Variants in PDE4D observed in about 807,000 individuals in gnomAD.
PDE4D encodes phosphodiesterase 4D, also known as 3',5'-cyclic-AMP phosphodiesterase 4D.
PDE4D carries 24 observed loss-of-function variants against 87.4 expected under a neutral mutation model. That is an observed-to-expected ratio of 0.27 (90% CI 0.20 to 0.39). The LOEUF is 0.39. Ranked by LOEUF, PDE4D falls within the 10% of genes least tolerant of loss-of-function variation. PDE4D has a pLI of 1.00. For missense variants in PDE4D, 714 were observed against 1,041.0 expected, an observed-to-expected ratio of 0.69 and a Z score of 4.32; for synonymous variants, 384 against 383.2, an observed-to-expected ratio of 1.00 and a Z score of -0.02.
rs571920657 is a variant in PDE4D, at chr5:59,816,032, C to T, written c.455+77136G>A. On this transcript the variant is annotated intron_variant, in intron 1 of 14. Transcript: ENST00000340635. ...TAAAGCACGAGTGAATTCTTTCTTA[C>T]TGAACCTATTCAAATAAAGACTGAA... 3.0e-4 allele frequency among the ~76,000 whole-genome samples: 46 copies of T among 152,306 alleles called. 1 individual carries two copies. The highest frequency in any genetic ancestry group is 9.4e-4 in the African/African-American group (39 of 41,562).
chr5:60,352,341 T>C (rs137940753), intron 1 of PDE4D, among the ~76,000 whole-genome samples: 1 of 152,284 alleles, frequency 6.6e-6, no homozygotes, highest in East Asian at 1.9e-4. Flanking sequence ...GCACAGTCCT[T>C]CTAGAAGATG....
intron 2 of PDE4D, among the ~76,000 whole-genome samples, chr5:60,180,705 G>A (rs868067269): frequency 6.6e-6 from 1 of 152,084 alleles, no homozygotes; most frequent in Non-Finnish European, 1.5e-5. Flanking sequence ...AAGCTGGAAG[G>A]CAGGTATAAG....
intron 5 of PDE4D, 181 bp from the exon 6 acceptor site, chr5:59,039,152 G>T (rs921415225): frequency 7.4e-7 from 1 of 1,357,612 alleles, no homozygotes; most frequent in Non-Finnish European, 9.5e-7. Flanking sequence ...CTGTGCTCGC[G>T]GGGCGGCCGG....
chr5:59,595,599 T>C (rs1441559410), intron 1 of PDE4D, among the ~76,000 whole-genome samples: 1 of 152,150 alleles, frequency 6.6e-6, no homozygotes, highest in Admixed American at 6.6e-5. Flanking sequence ...GAAATTACCA[T>C]GAAAATACTC....
chr5:59,367,774 TAAG>T (rs1370719348), intron 1 of PDE4D, among the ~76,000 whole-genome samples: 1 of 152,104 alleles, frequency 6.6e-6, no homozygotes, highest in East Asian at 1.9e-4. Flanking sequence ...TTACAGAGCC[TAAG>T]AAGAGGCATG....
intron 2 of PDE4D, among the ~76,000 whole-genome samples, chr5:59,197,259 A>G (rs1376153428): frequency 2.0e-5 from 3 of 152,166 alleles, no homozygotes; most frequent in African/African-American, 7.2e-5. Context: ...TATTATAAGT[A>G]ATACACTTTA....
chr5:59,679,658 A>G (rs923736328), intron 1 of PDE4D, among the ~76,000 whole-genome samples: 4 of 152,166 alleles, frequency 2.6e-5, no homozygotes, highest in Non-Finnish European at 4.4e-5. Flanking sequence ...TCATTCTACT[A>G]TGTGTACTAA....
chr5:60,316,469 C>T (rs974717896), intron 1 of PDE4D, among the ~76,000 whole-genome samples: 5 of 152,124 alleles, frequency 3.3e-5, no homozygotes, highest in African/African-American at 7.2e-5. Flanking sequence ...TAATTGAATA[C>T]CCTTTATTTC....
intron 1 of PDE4D, among the ~76,000 whole-genome samples, chr5:60,358,298 T>A (rs567820570): frequency 3.3e-5 from 5 of 152,322 alleles, no homozygotes; most frequent in African/African-American, 1.2e-4. Flanking sequence ...TCCCAGGGAA[T>A]GAGATAGAAG....
intron 1 of PDE4D, among the ~76,000 whole-genome samples, chr5:60,419,200 G>A (rs1742881476): frequency 6.6e-6 from 1 of 152,058 alleles, no homozygotes; most frequent in Admixed American, 6.6e-5. Context: ...AGTTCATGAA[G>A]CATTGTTTAT....
intron 2 of PDE4D, among the ~76,000 whole-genome samples, chr5:60,149,374 C>T (rs983279): frequency 0.49 from 74,697 of 151,836 alleles, 18,825 homozygotes; most frequent in Admixed American, 0.55. Context: ...CAATAGCTAA[C>T]CCACTCTCAT....
chr5:59,924,269 G>A (rs1162296538), intron 3 of PDE4D, among the ~76,000 whole-genome samples: 1 of 152,118 alleles, frequency 6.6e-6, no homozygotes, highest in East Asian at 1.9e-4. Context: ...AAGAGTTATT[G>A]GCCCTAAAGA....
chr5:60,255,343 A>G (rs1366834146), intron 1 of PDE4D, among the ~76,000 whole-genome samples: 2 of 151,942 alleles, frequency 1.3e-5, no homozygotes, highest in Non-Finnish European at 2.9e-5. Context: ...TGTTAACATT[A>G]TACCAAGAGG....
At chr5:60,214,962 C>T (rs1003596399) in intron 1 of PDE4D, among the ~76,000 whole-genome samples, 5 of 152,082 alleles carry the variant, frequency 3.3e-5, no homozygotes, top group Non-Finnish European at 5.9e-5. Context: ...TGTATTCTTC[C>T]TCTCTCCCAT....
chr5:60,115,249 T>C (rs1778060713), intron 2 of PDE4D, among the ~76,000 whole-genome samples: 1 of 152,130 alleles, frequency 6.6e-6, no homozygotes, highest in South Asian at 2.1e-4. Flanking sequence ...CTTTAATTGA[T>C]CCATTTCATA....
At chr5:59,003,285 C>T (rs574924883) in intron 6 of PDE4D, among the ~76,000 whole-genome samples, 89 of 152,322 alleles carry the variant, frequency 5.8e-4, no homozygotes, top group Middle Eastern at 3.4e-3. Context: ...TAATCCCCAA[C>T]GCCAAGCCTA....
Position 59,038,843 on chromosome 5 carries a change from C to A in PDE4D, c.921+16G>T. On this transcript the variant is annotated intron_variant, in intron 6 of 14. Coordinates refer to ENST00000340635, the MANE Select transcript of PDE4D (RefSeq NM_001104631.2). ...AGCAGCCTGGGGGCACCAGTGACAG[C>A]AGAACCGGGGCTTACCTTGTTGGAG... The A allele has an allele frequency of 6.7e-7, 1 of 1,498,230 alleles. No individual in the cohort carries two copies. The highest frequency in any genetic ancestry group is 8.9e-7 in the Non-Finnish European group (1 of 1,119,824). The allele number at this position is 1,498,230 out of a possible 1,614,324, so 92.8% of individuals were successfully genotyped here.
At chr5:59,644,217 A>T (rs1169347855) in intron 1 of PDE4D, among the ~76,000 whole-genome samples, 1 of 152,170 alleles carries the variant, frequency 6.6e-6, no homozygotes, top group Non-Finnish European at 1.5e-5. Context: ...ATGTATCTAT[A>T]TTGACTGCTC....
At chr5:59,777,311 C>T (rs1764175919) in intron 1 of PDE4D, among the ~76,000 whole-genome samples, 1 of 152,142 alleles carries the variant, frequency 6.6e-6, no homozygotes, top group Non-Finnish European at 1.5e-5. Flanking sequence ...AAAGACATAA[C>T]CTTAGCAAAG....
Sources: allele counts gnomAD v4.1 joint callset (sites outside exome capture counted in the v4.1 genomes callset), GRCh38; gene constraint gnomAD v4.1.1; transcripts MANE v1.5; gene names NCBI Gene and HGNC (gene_info 2026-07-23, HGNC 2026-07-21).